The following ACOX3 variants were observed in gnomAD, a reference collection of about 807,000 sequenced individuals.
ACOX3 encodes the protein acyl-CoA oxidase 3, pristanoyl, also known as peroxisomal acyl-coenzyme A oxidase 3.
In ACOX3, 73 loss-of-function variants were observed where a neutral mutation model predicts 81.5. That is an observed-to-expected ratio of 0.90 (90% CI 0.74 to 1.09). The LOEUF (loss-of-function observed/expected upper bound fraction) is 1.09, where lower values mean the gene tolerates loss of function less well. Among genes scored for constraint, ACOX3 ranks in the 50% least tolerant of loss-of-function variants. The pLI is 0.00. For missense variants in ACOX3, 947 were observed against 928.0 expected, an observed-to-expected ratio of 1.02 and a Z score of -0.27; for synonymous variants, 387 against 375.1, an observed-to-expected ratio of 1.03 and a Z score of -0.37.
chr4:8,420,974 T>C (rs190458319), intron 1 of ACOX3, among the ~76,000 whole-genome samples: 32 of 152,314 alleles, frequency 2.1e-4, no homozygotes, highest in Non-Finnish European at 3.7e-4. Context: ...CGGCTTCTAA[T>C]AGAGCTATAA....
intron 14 of ACOX3, among the ~76,000 whole-genome samples, chr4:8,379,575 G>C (rs555951687): frequency 6.6e-6 from 1 of 152,258 alleles, no homozygotes; most frequent in South Asian, 2.1e-4. Flanking sequence ...GGTGAGGAGG[G>C]GTTTCTCAGC....
chr4:8,389,046 G>A lies in ACOX3; in HGVS notation c.1537+127C>T. On this transcript the variant is annotated intron_variant, in intron 13 of 17. Coordinates refer to ENST00000356406, the MANE Select transcript of ACOX3 (RefSeq NM_003501.3). This position sits in a 1 kb window ranked among gnomAD's most constrained non-coding sequence, Gnocchi z 5.3. ...CCAGCCCAGGACAAGCTGCATGCGGGGCCTCCCACCACCACTGCTGCCCCG... is the reference window on the plus strand; with the variant it reads ...CCAGCCCAGGACAAGCTGCATGCGGAGCCTCCCACCACCACTGCTGCCCCG... The A allele has an allele frequency of 1.4e-6, 1 of 704,386 alleles. No individual in the cohort carries two copies. Among genetic ancestry groups the A allele is most frequent in the Non-Finnish European group, 2.4e-6 (1 of 408,492 alleles). 43.6% of individuals were successfully genotyped at this position (704,386 alleles called of 1,614,324 possible).
chr4:8,406,313 G>A lies in ACOX3; in HGVS notation c.688-270C>T, dbSNP rs934310502. Among the ~76,000 whole-genome samples, 4 of 152,182 alleles carry A rather than the reference G, an allele frequency of 2.6e-5. No individual in the cohort carries two copies. Among genetic ancestry groups the A allele is most frequent in the Admixed American group, 1.3e-4 (2 of 15,284 alleles). On this transcript the variant is annotated intron_variant, in intron 6 of 17. Coordinates refer to ENST00000356406, the MANE Select transcript of ACOX3 (RefSeq NM_003501.3). The surrounding 1 kb of genome is among the most constrained non-coding windows in gnomAD (Gnocchi z 5.6). Reference sequence around the variant, plus strand: ...CACCCAGGTGGGCCCTAAATCCCACGGCAAGTGTCCTATGAGAATCAGAAG... The same window carrying A: ...CACCCAGGTGGGCCCTAAATCCCACAGCAAGTGTCCTATGAGAATCAGAAG...
chr4:8,418,287 A>G (rs1198014783), intron 1 of ACOX3, among the ~76,000 whole-genome samples: 1 of 152,110 alleles, frequency 6.6e-6, no homozygotes, highest in Non-Finnish European at 1.5e-5. Flanking sequence ...AACTGAATCC[A>G]GCAACATATA....
At position 8,399,539 on chromosome 4, in the gene ACOX3, GC is replaced by G. The variant is rs755998863; in HGVS notation, c.873+16del. 3.1e-6 allele frequency: 5 copies of G among 1,599,838 alleles called. No individual in the cohort carries two copies. The highest frequency in any genetic ancestry group is 1.1e-5 in the South Asian group (1 of 90,662). ...ACCTGGGAAGCACGGCACACGAACG[GC>G]CCCCCATGCCTGTACCTTAAAGGGG... On this transcript the variant is annotated intron_variant, in intron 8 of 17. Transcript: ENST00000356406. This position sits in a 1 kb window ranked among gnomAD's most constrained non-coding sequence, Gnocchi z 4.9.
At chr4:8,373,384 C>T (rs745612554) in intron 16 of ACOX3, among the ~76,000 whole-genome samples, 177 bp downstream of exon 16, 15 of 149,120 alleles carry the variant, frequency 1.0e-4, no homozygotes, top group Admixed American at 3.3e-4. Context: ...TAAGGGGGTG[C>T]GTGTCGGTCT....
chr4:8,377,807 C>T (rs896189585), intron 14 of ACOX3, among the ~76,000 whole-genome samples: 13 of 152,152 alleles, frequency 8.5e-5, no homozygotes, highest in African/African-American at 2.4e-4. Context: ...TCTGGCGACC[C>T]GGGGGGACAG....
At chr4:8,363,435 G>A (rs924519379), downstream of ACOX3, among the ~76,000 whole-genome samples, 1 of 152,206 alleles carries the variant, frequency 6.6e-6, no homozygotes, top group Non-Finnish European at 1.5e-5. Context: ...TTCTGGCTGA[G>A]CTCTTCTCTA....
intron 13 of ACOX3, among the ~76,000 whole-genome samples, chr4:8,388,200 T>A (rs539074850): frequency 1.1e-4 from 17 of 152,330 alleles, no homozygotes; most frequent in African/African-American, 4.1e-4. Context: ...CCAAGGCCCC[T>A]GCAAGGTGGT....
At chr4:8,355,584 G>T in the ACOX3 span, 2 of 152,210 alleles carry the variant, frequency 1.3e-5, no homozygotes, top group Admixed American at 6.5e-5. Flanking sequence ...CAGAGAAAAA[G>T]AGATGAAAGT....
In ACOX3 at chr4:8,414,425, T is replaced by A. The variant is rs1722108637; in HGVS notation, c.454-44A>T. 2 of 1,544,258 alleles carry A rather than the reference T, an allele frequency of 1.3e-6. No homozygotes were observed. The highest frequency in any genetic ancestry group is 2.2e-5 in the East Asian group (1 of 44,548). On this transcript the variant is annotated intron_variant, in intron 4 of 17. Coordinates refer to ENST00000356406, the MANE Select transcript of ACOX3 (RefSeq NM_003501.3). This position sits in a 1 kb window ranked among gnomAD's most constrained non-coding sequence, Gnocchi z 6.1. Reference sequence around the variant, plus strand: ...AATGATGGAAAGCAAGAAAAGTTCTTTGTGCACATTCCCAGAAGGACCTCA... The same window carrying A: ...AATGATGGAAAGCAAGAAAAGTTCTATGTGCACATTCCCAGAAGGACCTCA...
At chr4:8,427,858 G>A (rs1006562881) in intron 1 of ACOX3, among the ~76,000 whole-genome samples, 11 of 152,192 alleles carry the variant, frequency 7.2e-5, no homozygotes, top group African/African-American at 2.7e-4. Context: ...TAGTGCCCAG[G>A]GTCTACTGTC....
In ACOX3 at chr4:8,390,451, T is replaced by TC. The variant is rs1402926376; in HGVS notation, c.1301-718dup. 5.3e-5 allele frequency among the ~76,000 whole-genome samples: 8 copies of TC among 152,004 alleles called. No homozygotes were observed. In the East Asian group the frequency reaches 1.5e-3, roughly 29 times the overall value. On this transcript the variant is annotated intron_variant, in intron 11 of 17. Transcript: ENST00000356406. ...TGCTGTCAGCAAGCCCTGCAGAGCC[T>TC]CCCCTGGCATGGGGTTGCTGATAGG...
Position 8,381,955 on chromosome 4 carries a change from G to C in ACOX3, c.1538-348C>G, listed in dbSNP as rs950313283. On this transcript the variant is annotated intron_variant, in intron 13 of 17. Coordinates refer to ENST00000356406, the MANE Select transcript of ACOX3 (RefSeq NM_003501.3). The surrounding 1 kb of genome is among the most constrained non-coding windows in gnomAD (Gnocchi z 4.3). Reference sequence around the variant, plus strand: ...TTCTCGCACGCACCAGGCTCGGTCTGTGTGAAGCGTGGTGCTGCCTCCACA... The same window carrying C: ...TTCTCGCACGCACCAGGCTCGGTCTCTGTGAAGCGTGGTGCTGCCTCCACA... Among the ~76,000 whole-genome samples the C allele has an allele frequency of 1.3e-5, 2 of 152,270 alleles. No individual in the cohort carries two copies. Among genetic ancestry groups the C allele is most frequent in the Admixed American group, 1.3e-4 (2 of 15,286 alleles).
At position 8,381,374 on chromosome 4, in the gene ACOX3, T is replaced by A; in HGVS notation, c.1653+118A>T. 1 of 835,932 alleles carries A rather than the reference T, an allele frequency of 1.2e-6. No individual in the cohort carries two copies. The allele number at this position is 835,932 out of a possible 1,614,324, so 51.8% of individuals were successfully genotyped here. ...AAGTCATCAAGTCATCTGCCCAAGGTCACGGGAGCTCGGGGTCTGGGGCCT... is the reference window on the plus strand; with the variant it reads ...AAGTCATCAAGTCATCTGCCCAAGGACACGGGAGCTCGGGGTCTGGGGCCT... On this transcript the variant is annotated intron_variant, in intron 14 of 17. Coordinates refer to ENST00000356406, the MANE Select transcript of ACOX3 (RefSeq NM_003501.3). The surrounding 1 kb of genome is among the most constrained non-coding windows in gnomAD (Gnocchi z 4.3).
chr4:8,403,467 C>T (rs1367145865), intron 7 of ACOX3, among the ~76,000 whole-genome samples: 1 of 152,186 alleles, frequency 6.6e-6, no homozygotes, highest in Non-Finnish European at 1.5e-5. Flanking sequence ...CCAACCTAGG[C>T]CTTCAAAGGC....
chr4:8,418,812 T>C (rs757307701), intron 1 of ACOX3, among the ~76,000 whole-genome samples: 1 of 152,162 alleles, frequency 6.6e-6, no homozygotes, highest in African/African-American at 2.4e-5. Flanking sequence ...TGAGCTGAGA[T>C]TGTGCCATTG....
chr4:8,375,987 T>A (rs1397099364), intron 14 of ACOX3, among the ~76,000 whole-genome samples: 1 of 152,216 alleles, frequency 6.6e-6, no homozygotes, highest in Non-Finnish European at 1.5e-5. Context: ...CAGGTACATG[T>A]ATCTGGCTGG....
chr4:8,427,648 G>A (rs948076336), intron 1 of ACOX3, among the ~76,000 whole-genome samples: 2 of 152,174 alleles, frequency 1.3e-5, no homozygotes, highest in African/African-American at 2.4e-5. Flanking sequence ...AACACTCACC[G>A]CATGGCCCAA....
Sources: gnomAD v4.1 joint callset for allele counts (sites outside exome capture counted in the v4.1 genomes callset) on GRCh38, gnomAD v4.1.1 for gene constraint, Gnocchi (gnomAD v3.1) non-coding constraint, MANE v1.5 for transcripts, NCBI Gene and HGNC (gene_info 2026-07-23, HGNC 2026-07-21) for gene names.